TRAF3: variants seen among roughly 807,000 people sequenced by gnomAD.
TRAF3 encodes TNF receptor associated factor 3, also known as TNF receptor-associated factor 3.
TRAF3 carries 13 observed loss-of-function variants against 62.3 expected under a neutral mutation model. That is an observed-to-expected ratio of 0.21 (90% CI 0.14 to 0.33). The LOEUF is 0.33. Among genes scored for constraint, TRAF3 ranks in the 10% least tolerant of loss-of-function variants. TRAF3 has a pLI of 1.00. For synonymous variants in TRAF3, 269 were observed against 283.4 expected (o/e 0.95, Z 0.51); for missense variants, 440 against 741.8 (o/e 0.59, Z 4.73).
chr14:102,870,550 C>T, intron 3 of TRAF3, 104 bp downstream of exon 3: 2 of 1,469,370 alleles, frequency 1.4e-6, no homozygotes, highest in South Asian at 1.2e-5. Flanking sequence ...GGTTTAAAGC[C>T]CTAAAGAAGT....
chr14:102,870,681 G>A (rs1270106815), intron 3 of TRAF3, among the ~76,000 whole-genome samples: 3 of 152,136 alleles, frequency 2.0e-5, no homozygotes, highest in East Asian at 1.9e-4. Context: ...TTCCCACTCC[G>A]TCTGTAGAGC....
At chr14:102,807,932 A>G (rs917751609) in intron 1 of TRAF3, among the ~76,000 whole-genome samples, 3 of 152,238 alleles carry the variant, frequency 2.0e-5, no homozygotes, top group Admixed American at 1.3e-4. Context: ...AATTACTCCA[A>G]CATGCAAATC....
At chr14:102,865,978 CAT>C (rs1168141016) in intron 2 of TRAF3, 7 of 152,296 alleles carry the variant, frequency 4.6e-5, no homozygotes, top group East Asian at 1.9e-4. Flanking sequence ...CACATGCACA[CAT>C]ATGTTTATTG....
At chr14:102,865,272 G>A (rs898032581) in intron 2 of TRAF3, among the ~76,000 whole-genome samples, 4 of 152,102 alleles carry the variant, frequency 2.6e-5, no homozygotes, top group Non-Finnish European at 4.4e-5. Flanking sequence ...CGGGGCTGCC[G>A]GCTGGGCTCT....
intron 4 of TRAF3, among the ~76,000 whole-genome samples, chr14:102,873,609 C>G (rs1052747035): frequency 1.3e-5 from 2 of 152,154 alleles, no homozygotes; most frequent in Admixed American, 6.5e-5. Context: ...CTGTCTGGGC[C>G]CCGGGTGACC....
intron 6 of TRAF3, among the ~76,000 whole-genome samples, chr14:102,880,960 G>T (rs1036349848): frequency 6.6e-6 from 1 of 152,022 alleles, no homozygotes; most frequent in Non-Finnish European, 1.5e-5. Flanking sequence ...GCCTGTAATC[G>T]CAGGTGCCTG....
At chr14:102,872,097 C>A in intron 4 of TRAF3, 129 bp downstream of exon 4, 1 of 927,432 alleles carries the variant, frequency 1.1e-6, no homozygotes, top group Non-Finnish European at 1.7e-6. Flanking sequence ...GGCAGGCTCC[C>A]AGGCAGGACA....
chr14:102,817,761 T>G (rs1899624142), intron 1 of TRAF3, among the ~76,000 whole-genome samples: 1 of 152,244 alleles, frequency 6.6e-6, no homozygotes, highest in South Asian at 2.1e-4. Flanking sequence ...GGGTTCTCTC[T>G]CCTGTGCCTT....
chr14:102,867,938 C>T lies in TRAF3; in HGVS notation c.-17-2247C>T, dbSNP rs114330231. On this transcript the variant is annotated intron_variant, in intron 2 of 11. Transcript: ENST00000392745. Reference sequence around the variant, plus strand: ...ATCCATCTCTCAAATTGTCTGCTGCCGGCGTTCATTCCTGTTTGCTTCTAG... The same window carrying T: ...ATCCATCTCTCAAATTGTCTGCTGCTGGCGTTCATTCCTGTTTGCTTCTAG... Among the ~76,000 whole-genome samples the T allele has an allele frequency of 4.0e-3, 604 of 152,322 alleles. 6 individuals carry two copies. Among genetic ancestry groups the T allele is most frequent in the African/African-American group, 0.013 (554 of 41,570 alleles).
chr14:102,857,578 C>T (rs7153002), intron 2 of TRAF3, among the ~76,000 whole-genome samples: 38,887 of 152,098 alleles, frequency 0.26, 5,798 homozygotes, highest in African/African-American at 0.39. Flanking sequence ...TGGGAAATTC[C>T]TCTCCTCTTG....
At chr14:102,895,012 G>A (rs890570994) in intron 9 of TRAF3, 2 of 452,910 alleles carry the variant, frequency 4.4e-6, no homozygotes, top group African/African-American at 4.0e-5. Flanking sequence ...TATTGACAAT[G>A]TTTTGGAGAC....
intron 1 of TRAF3, among the ~76,000 whole-genome samples, chr14:102,798,331 C>T (rs545313094): frequency 6.6e-6 from 1 of 151,736 alleles, no homozygotes; most frequent in South Asian, 2.1e-4. Context: ...AAGTGATCCT[C>T]ACTTTCTAAG....
At chr14:102,782,445 C>G (rs1897308377) in intron 1 of TRAF3, among the ~76,000 whole-genome samples, 1 of 152,028 alleles carries the variant, frequency 6.6e-6, no homozygotes, top group Non-Finnish European at 1.5e-5. Flanking sequence ...GTTGGCCAAG[C>G]TGGTCTCAAA....
At position 102,908,869 on chromosome 14, in the gene TRAF3, G is replaced by C. The variant is rs945799666; in HGVS notation, c.*3085G>C. On this transcript the variant is annotated 3_prime_UTR_variant, in exon 12 of 12. Coordinates refer to ENST00000392745, the MANE Select transcript of TRAF3 (RefSeq NM_145725.3). ...TGCTGCCAGGCACGCTGGTTGGCTG[G>C]CCTGGGCCCGGCTCACGTGAAGGGC... is the stretch of plus-strand genomic sequence containing the variant. 1 of 152,296 alleles carries C rather than the reference G, an allele frequency of 6.6e-6. No homozygotes were observed. Among genetic ancestry groups the C allele is most frequent in the Admixed American group, 6.5e-5 (1 of 15,288 alleles). 9.4% of individuals were successfully genotyped at this position (152,296 alleles called of 1,614,324 possible). A position where few individuals can be genotyped will look rare whatever the true frequency, so the allele number is the denominator to read the frequency against.
intron 1 of TRAF3, among the ~76,000 whole-genome samples, chr14:102,829,979 TA>T (rs1247723010): frequency 3.3e-5 from 5 of 151,946 alleles, no homozygotes; most frequent in African/African-American, 7.3e-5. Flanking sequence ...AAAGATAAAA[TA>T]AAATAAATAA....
At chr14:102,891,287 C>T (rs1461688041) in intron 8 of TRAF3, 38 bp from the exon 9 acceptor site, 6 of 1,590,050 alleles carry the variant, frequency 3.8e-6, no homozygotes, top group African/African-American at 2.7e-5. Flanking sequence ...TGAAATGCAG[C>T]GAGGTTCGCT....
intron 1 of TRAF3, among the ~76,000 whole-genome samples, chr14:102,823,701 C>T (rs1169167104): frequency 6.6e-6 from 1 of 152,088 alleles, no homozygotes; most frequent in Non-Finnish European, 1.5e-5. Context: ...GGATGTTTGG[C>T]CTTTGGCTTG....
intron 5 of TRAF3, among the ~76,000 whole-genome samples, chr14:102,876,056 T>A (rs1595384668): frequency 6.6e-6 from 1 of 152,250 alleles, no homozygotes; most frequent in African/African-American, 2.4e-5. Context: ...TTTTAGTTAG[T>A]ACCATATTTT....
chr14:102,892,199 A>G (rs1010095937), intron 9 of TRAF3, among the ~76,000 whole-genome samples: 1 of 152,216 alleles, frequency 6.6e-6, no homozygotes, highest in Admixed American at 6.5e-5. Flanking sequence ...CTGGTATTAC[A>G]GGTGCGCACC....
Sources: gnomAD v4.1 joint callset for allele counts (sites outside exome capture counted in the v4.1 genomes callset) on GRCh38, gnomAD v4.1.1 for gene constraint, MANE v1.5 for transcripts, NCBI Gene and HGNC (gene_info 2026-07-23, HGNC 2026-07-21) for gene names.